B3GALT1: variants seen among roughly 807,000 people sequenced by gnomAD.
B3GALT1 encodes UDP-Gal:betaGlcNAc beta 1,3-galactosyltransferase, polypeptide 1.
Under a neutral mutation model 23.2 loss-of-function variants are expected in B3GALT1, and 10 were observed. That is an observed-to-expected ratio of 0.43 (90% CI 0.27 to 0.73). The LOEUF (loss-of-function observed/expected upper bound fraction) is 0.73. Ranked by LOEUF, B3GALT1 falls within the 30% of genes least tolerant of loss-of-function variation. B3GALT1 has a pLI of 0.21. For missense variants in B3GALT1, 299 were observed against 405.4 expected, an observed-to-expected ratio of 0.74 and a Z score of 2.25; for synonymous variants, 156 against 141.5, an observed-to-expected ratio of 1.10 and a Z score of -0.73.
intron 3 of B3GALT1, among the ~76,000 whole-genome samples, chr2:167,708,867 T>C (rs1687008198): frequency 1.3e-5 from 2 of 152,144 alleles, no homozygotes; most frequent in African/African-American, 4.8e-5. Context: ...TAGAATAATA[T>C]AAATAATGCC....
chr2:167,323,485 T>G (rs1249714802), intron 1 of B3GALT1, among the ~76,000 whole-genome samples: 1 of 151,864 alleles, frequency 6.6e-6, no homozygotes, highest in Non-Finnish European at 1.5e-5. Flanking sequence ...GTTAGGAAAC[T>G]CAATAATGGA....
Position 167,869,021 on chromosome 2 carries a change from T to A in B3GALT1, c.-19T>A, listed in dbSNP as rs1329687997. 6.4e-7 allele frequency: 1 copy of A among 1,571,372 alleles called. No individual in the cohort carries two copies. The highest frequency in any genetic ancestry group is 8.6e-7 in the Non-Finnish European group (1 of 1,159,938). The stretch of plus-strand genomic sequence containing the variant: ...GAGGCGTATTCTTCAATATTTGGAA[T>A]AGACGTGTTCTCAAGACAATGGCTT... On this transcript the variant is annotated 5_prime_UTR_variant, in exon 5 of 5. It removes the in-frame stop codon of an upstream open reading frame in the 5' UTR. Transcript: ENST00000392690. The surrounding 1 kb of genome is among the most constrained non-coding windows in gnomAD (Gnocchi z 6.4).
At chr2:167,617,722 C>A (rs1275401276) in intron 2 of B3GALT1, among the ~76,000 whole-genome samples, 2 of 151,848 alleles carry the variant, frequency 1.3e-5, no homozygotes, top group Non-Finnish European at 2.9e-5. Context: ...AGTTTTAAAT[C>A]CTTAAAAATC....
chr2:167,836,806 C>T (rs1215997200), intron 4 of B3GALT1, among the ~76,000 whole-genome samples: 1 of 152,240 alleles, frequency 6.6e-6, no homozygotes, highest in South Asian at 2.1e-4. Flanking sequence ...AAAGGGAAGC[C>T]CATCAGACTA....
At chr2:167,777,141 T>C (rs1046220744) in intron 3 of B3GALT1, among the ~76,000 whole-genome samples, 2 of 152,170 alleles carry the variant, frequency 1.3e-5, no homozygotes, top group African/African-American at 4.8e-5. Flanking sequence ...CAACTAAAAA[T>C]ATACAGCCCC....
intron 4 of B3GALT1, among the ~76,000 whole-genome samples, chr2:167,841,842 A>C (rs539152950): frequency 5.9e-5 from 9 of 152,368 alleles, no homozygotes; most frequent in African/African-American, 2.2e-4. Flanking sequence ...AAATAAGGTT[A>C]ACCATAGGAA....
chr2:167,734,491 A>G (rs1472369066), intron 3 of B3GALT1, among the ~76,000 whole-genome samples: 2 of 152,222 alleles, frequency 1.3e-5, no homozygotes, highest in Non-Finnish European at 2.9e-5. Flanking sequence ...TCAGAGAGCC[A>G]AAAATGAATG....
At chr2:167,686,107 A>T (rs1367899201) in intron 3 of B3GALT1, among the ~76,000 whole-genome samples, 2 of 152,198 alleles carry the variant, frequency 1.3e-5, no homozygotes, top group African/African-American at 4.8e-5. Context: ...TGTTTTTAGT[A>T]TTTCATTTTG....
chr2:167,671,118 A>G (rs1034570479), intron 3 of B3GALT1, among the ~76,000 whole-genome samples: 2 of 152,222 alleles, frequency 1.3e-5, no homozygotes, highest in Non-Finnish European at 2.9e-5. Flanking sequence ...CAAAGGATGT[A>G]ACAATTATAT....
chr2:167,682,973 G>C (rs1558947918), intron 3 of B3GALT1, among the ~76,000 whole-genome samples: 1 of 152,198 alleles, frequency 6.6e-6, no homozygotes, highest in Non-Finnish European at 1.5e-5. Flanking sequence ...AGAGCGTTCA[G>C]CTTTGGCTCT....
chr2:167,636,530 G>A (rs1215462191), intron 2 of B3GALT1, among the ~76,000 whole-genome samples: 1 of 152,012 alleles, frequency 6.6e-6, no homozygotes, highest in Non-Finnish European at 1.5e-5. Context: ...AAAGACACAT[G>A]CACACATATG....
chr2:167,492,635 A>T (rs1699726973), intron 2 of B3GALT1, among the ~76,000 whole-genome samples: 1 of 152,184 alleles, frequency 6.6e-6, no homozygotes, highest in South Asian at 2.1e-4. Context: ...TTTTACAAGC[A>T]TTTGGTTTTG....
At chr2:167,770,687 T>G (rs1394227096) in intron 3 of B3GALT1, among the ~76,000 whole-genome samples, 1 of 152,188 alleles carries the variant, frequency 6.6e-6, no homozygotes. Context: ...TGAGAAATCT[T>G]TGCCTTACCC....
intron 1 of B3GALT1, among the ~76,000 whole-genome samples, chr2:167,318,254 G>C (rs1346718589): frequency 6.7e-6 from 1 of 149,752 alleles, no homozygotes; most frequent in African/African-American, 2.5e-5. Context: ...GAACCTAGGA[G>C]ATGGAGGTTG....
chr2:167,774,789 C>A (rs1298940418), intron 3 of B3GALT1, among the ~76,000 whole-genome samples: 1 of 151,928 alleles, frequency 6.6e-6, no homozygotes, highest in Non-Finnish European at 1.5e-5. Flanking sequence ...AGCCACCACG[C>A]CCGGCCTCTA....
intron 3 of B3GALT1, among the ~76,000 whole-genome samples, chr2:167,733,952 T>G (rs1464627513): frequency 1.3e-5 from 2 of 152,186 alleles, no homozygotes; most frequent in Non-Finnish European, 2.9e-5. Context: ...TGCCATTTCC[T>G]GGTTTAATCT....
intron 1 of B3GALT1, among the ~76,000 whole-genome samples, chr2:167,387,749 G>A (rs1697949829): frequency 1.3e-5 from 2 of 152,022 alleles, no homozygotes. Context: ...ATACAATACT[G>A]TGGTCATATT....
rs1219754769 is a variant in B3GALT1, at chr2:167,605,606, T to C, written c.-409-41303T>C. Among the ~76,000 whole-genome samples, 2 of 152,186 alleles carry C rather than the reference T, an allele frequency of 1.3e-5. 1 individual carries two copies. The highest frequency in any genetic ancestry group is 6.3e-3 in the Middle Eastern group (2 of 316). ...CCAGCATGAGAATGAAAGCTGAAGATATGTTAAGGCCTAGCCTTGGAAGTT... is the reference window on the plus strand; with the variant it reads ...CCAGCATGAGAATGAAAGCTGAAGACATGTTAAGGCCTAGCCTTGGAAGTT... On this transcript the variant is annotated intron_variant, in intron 2 of 4. Transcript: ENST00000392690.
chr2:167,529,717 A>G (rs949234935), intron 2 of B3GALT1, among the ~76,000 whole-genome samples: 3 of 151,598 alleles, frequency 2.0e-5, no homozygotes, highest in African/African-American at 7.3e-5. Context: ...CACATCTCTT[A>G]GTAAATCTTG....
Sources: gnomAD v4.1 joint callset for allele counts (sites outside exome capture counted in the v4.1 genomes callset) on GRCh38, gnomAD v4.1.1 for gene constraint, Gnocchi (gnomAD v3.1) non-coding constraint, MANE v1.5 for transcripts, NCBI Gene and HGNC (gene_info 2026-07-23, HGNC 2026-07-21) for gene names.